Variants in SPAG8 observed in about 807,000 individuals in gnomAD.
The protein encoded by SPAG8 is sperm-associated antigen 8.
In SPAG8, 36 loss-of-function variants were observed where a neutral mutation model predicts 45.3. That is an observed-to-expected ratio of 0.80 (90% CI 0.61 to 1.05). The LOEUF is 1.05. Among genes scored for constraint, SPAG8 ranks in the 50% least tolerant of loss-of-function variants. SPAG8 has a pLI of 0.00. For synonymous variants in SPAG8, 227 were observed against 232.6 expected (o/e 0.98, Z 0.22); for missense variants, 573 against 609.2 (o/e 0.94, Z 0.63).
At chr9:35,809,204 T>C (rs772984583), downstream of SPAG8, 1 of 1,613,898 alleles carries the variant, frequency 6.2e-7, no homozygotes, top group South Asian at 1.1e-5. This position sits in a 1 kb window ranked among gnomAD's most constrained non-coding sequence, Gnocchi z 4.1. Flanking sequence ...CTAGATGAGC[T>C]AGGATGCTTC....
Position 35,810,283 on chromosome 9 carries a change from A to G in SPAG8, c.1227T>C (p.Pro409=), listed in dbSNP as rs1391267047. The change falls in exon 6 of 7, where the codon CCT becomes CCC. Residue 409 remains proline, a synonymous_variant. Coordinates refer to ENST00000396638, the MANE Select transcript of SPAG8 (RefSeq NM_001039592.2). ...GTGCCCTCTGTATCCAGAAGGTCTC[A>G]GGTTGCTCCTGGCGGTAGTCGTGAG... The part of the protein sequence containing the change: ...TKPHDYRQEQ[P]ETFWIQRAPQ... 1 of 1,614,194 alleles carries G rather than the reference A, an allele frequency of 6.2e-7. No individual in the cohort carries two copies. The highest frequency in any genetic ancestry group is 1.1e-5 in the South Asian group (1 of 91,090).
intron 3 of SPAG8, 48 bp from the exon 4 acceptor site, chr9:35,810,730 A>C: frequency 1.2e-6 from 2 of 1,611,478 alleles, no homozygotes; most frequent in Non-Finnish European, 1.7e-6. Context: ...GTTAAGAAGG[A>C]GGCCCAGAAG....
chr9:35,808,578 C>G (rs1259290679), downstream of SPAG8: 1 of 1,614,022 alleles, frequency 6.2e-7, no homozygotes, highest in East Asian at 2.2e-5. The surrounding 1 kb of genome is among the most constrained non-coding windows in gnomAD (Gnocchi z 4.0). Flanking sequence ...ACGCCATGCA[C>G]CAGAAATTGC....
rs1434794426 is a variant in SPAG8 at position 35,812,191 on chromosome 9, C to T, written c.-44G>A. 1 of 1,591,906 alleles carries T rather than the reference C, an allele frequency of 6.3e-7. No individual in the cohort carries two copies. Among genetic ancestry groups the T allele is most frequent in the Non-Finnish European group, 8.5e-7 (1 of 1,175,898 alleles). On this transcript the variant is annotated 5_prime_UTR_variant, in exon 1 of 7. Transcript: ENST00000396638. Reference sequence around the variant, plus strand: ...GGGTTGCCATAGAGACAGCAAACAACTCCTGGAGCCTGCGCAGAAGTACAG... The same window carrying T: ...GGGTTGCCATAGAGACAGCAAACAATTCCTGGAGCCTGCGCAGAAGTACAG...
intron 1 of SPAG8, 37 bp downstream of exon 1, chr9:35,812,067 G>T: frequency 6.2e-7 from 1 of 1,610,972 alleles, no homozygotes; most frequent in Non-Finnish European, 8.5e-7. Flanking sequence ...GACCTTCCTC[G>T]TCCCCTTATG....
rs762434492 is a variant in SPAG8, at chr9:35,811,216, C to T, written c.830G>A (p.Arg277Gln). 8.2e-6 allele frequency: 13 copies of T among 1,584,302 alleles called. No homozygotes were observed. Among genetic ancestry groups the T allele is most frequent in the African/African-American group, 6.8e-5 (5 of 73,896 alleles). ...CCAGTTGTAGAGGAGGCACTGGCCC[C>T]GCGGCAAAGTTTCATAGCAAACCAT... Reference protein sequence around the residue: ...KLMVCYETLPRGQCLLYNWEE... With the variant: ...KLMVCYETLPQGQCLLYNWEE... The change falls in exon 2 of 7, where the codon CGG (arginine) becomes CAG (glutamine). Residue 277 changes from arginine to glutamine, a missense_variant. Transcript: ENST00000396638.
Position 35,810,092 on chromosome 9 carries a change from T to C in SPAG8, c.1304A>G (p.Lys435Arg). The change falls in exon 7 of 7, where the codon AAG (lysine) becomes AGG (arginine). Residue 435 changes from lysine to arginine, a missense_variant. Physicochemically the swap from Lys to Arg is conservative, Grantham distance 26. Coordinates refer to ENST00000396638, the MANE Select transcript of SPAG8 (RefSeq NM_001039592.2). ...TACTGGTGTTGAGAAGCTGCAGTTC[T>C]TCCGGAATGGTGTGTCCAATGTCCT... ...NIRTLDTPFRKNCSFSTPVPL... is the reference protein window; with the variant it reads ...NIRTLDTPFRRNCSFSTPVPL... 6.2e-7 allele frequency: 1 copy of C among 1,612,684 alleles called. No homozygotes were observed. The highest frequency in any genetic ancestry group is 1.1e-5 in the South Asian group (1 of 90,834).
At chr9:35,809,007 G>A, downstream of SPAG8, 1 of 953,082 alleles carries the variant, frequency 1.0e-6, no homozygotes, top group South Asian at 1.3e-5. This position sits in a 1 kb window ranked among gnomAD's most constrained non-coding sequence, Gnocchi z 4.1. Context: ...TGCATTGGGA[G>A]GTTGGGCATA....
Position 35,811,270 on chromosome 9 carries a change from C to T in SPAG8, c.776G>A (p.Trp259Ter). 1 of 1,613,514 alleles carries T rather than the reference C, an allele frequency of 6.2e-7. No homozygotes were observed. Among genetic ancestry groups the T allele is most frequent in the Non-Finnish European group, 8.5e-7 (1 of 1,179,594 alleles). Residue 259 changes from tryptophan (W) to a stop codon, truncating the protein, a stop_gained, in exon 2 of 7, where the codon TGG (tryptophan) becomes TAG (stop). Transcript: ENST00000396638. LOFTEE classifies it high-confidence loss of function. ...QVLEPGARGL[W>*]KPPDIKGKLM... The stretch of plus-strand genomic sequence containing the variant: ...CTTCCCTTTAATGTCTGGGGGTTTC[C>T]ATAGTCCTCGGGCACCCGGTTCTAA...
At position 35,810,052 on chromosome 9, in the gene SPAG8, CCCCA is replaced by C. The variant is rs768912655; in HGVS notation, c.1340_1343del (p.Leu447ArgfsTer35). On this transcript the variant is annotated frameshift_variant, in exon 7 of 7. Coordinates refer to ENST00000396638, the MANE Select transcript of SPAG8 (RefSeq NM_001039592.2). LOFTEE classifies it low-confidence loss of function (END_TRUNC). ...TCTCAGGTTCATAGGGCAAAAGTTTCCCCAGAGACAAGGGTACTGGTGTTGAGAA... is the reference window on the plus strand; with the variant it reads ...TCTCAGGTTCATAGGGCAAAAGTTTCGAGACAAGGGTACTGGTGTTGAGAA... The C allele has an allele frequency of 6.2e-7, 1 of 1,613,828 alleles. No homozygotes were observed. Among genetic ancestry groups the C allele is most frequent in the Non-Finnish European group, 8.5e-7 (1 of 1,179,838 alleles).
At position 35,811,504 on chromosome 9, in the gene SPAG8, G is replaced by C; in HGVS notation, c.542C>G (p.Pro181Arg). The C allele has an allele frequency of 6.2e-7, 1 of 1,603,162 alleles. No homozygotes were observed. Among genetic ancestry groups the C allele is most frequent in the Non-Finnish European group, 8.5e-7 (1 of 1,173,992 alleles). ...AGAGCCATGACCAGGACCAGAGCCAGGACCAGAGCCAGGACCAGGACCAGA... is the reference window on the plus strand; with the variant it reads ...AGAGCCATGACCAGGACCAGAGCCACGACCAGAGCCAGGACCAGGACCAGA... ...SGSGPGPGSG[P>R]GSGPGHGSGS... The change falls in exon 2 of 7, where the codon CCT becomes CGT. Residue 181 changes from proline (P) to arginine (R), a missense_variant. Physicochemically the swap from Pro to Arg is moderately radical, Grantham distance 103. Transcript: ENST00000396638.
chr9:35,811,816 G>A lies in SPAG8; in HGVS notation c.230C>T (p.Pro77Leu). The A allele has an allele frequency of 6.2e-7, 1 of 1,613,434 alleles. No individual in the cohort carries two copies. The highest frequency in any genetic ancestry group is 2.2e-5 in the East Asian group (1 of 44,844). The stretch of plus-strand genomic sequence containing the variant: ...CTCCATGAACTCAGAACAGGGCGCT[G>A]GGGTCTTTGTAGATAATGCAGCTGC... ...AKAAALSTKTPAPCSEFMEPS... is the reference protein window; with the variant it reads ...AKAAALSTKTLAPCSEFMEPS... The change falls in exon 2 of 7, where the codon CCA (proline) becomes CTA (leucine). Residue 77 changes from proline to leucine, a missense_variant. Transcript: ENST00000396638.
chr9:35,811,980 G>A lies in SPAG8; in HGVS notation c.66C>T (p.Ser22=), dbSNP rs767145448. The change falls in exon 2 of 7, where the codon AGC becomes AGT. Residue 22 remains serine (S), a synonymous_variant. Coordinates refer to ENST00000396638, the MANE Select transcript of SPAG8 (RefSeq NM_001039592.2). ...SRSRSLDIQP[S]SEGLGPTSEP... Reference sequence around the variant, plus strand: ...CCGAAGTGGGCCCCAGTCCTTCGGAGCTGGGCTGTATGTCTAAAGATCTGA... The same window carrying A: ...CCGAAGTGGGCCCCAGTCCTTCGGAACTGGGCTGTATGTCTAAAGATCTGA... 6.2e-6 allele frequency: 10 copies of A among 1,602,554 alleles called. No individual in the cohort carries two copies. The South Asian group carries it at 1.1e-4, about 18-fold the overall frequency.
In SPAG8 at chr9:35,811,443, T is replaced by C. The variant is rs1828791525; in HGVS notation, c.603A>G (p.Pro201=). 1.9e-6 allele frequency: 3 copies of C among 1,613,998 alleles called. No homozygotes were observed. Among genetic ancestry groups the C allele is most frequent in the Admixed American group, 1.7e-5 (1 of 60,014 alleles). Residue 201 remains proline, a synonymous_variant, in exon 2 of 7, where the codon CCA becomes CCG. Coordinates refer to ENST00000396638, the MANE Select transcript of SPAG8 (RefSeq NM_001039592.2). ...TGAGCTCAGAGTCAGGGCCAGTGTCTGGACCAGGCCCAGAGGCAGGACCAG... is the reference window on the plus strand; with the variant it reads ...TGAGCTCAGAGTCAGGGCCAGTGTCCGGACCAGGCCCAGAGGCAGGACCAG... The part of the protein sequence containing the change: ...SHPGPASGPG[P]DTGPDSELSP...
Position 35,811,224 on chromosome 9 carries a change from A to C in SPAG8, c.822T>G (p.Thr274=). 6.3e-7 allele frequency: 1 copy of C among 1,591,230 alleles called. No homozygotes were observed. The highest frequency in any genetic ancestry group is 1.7e-4 in the Middle Eastern group (1 of 5,930). The part of the protein sequence containing the change: ...IKGKLMVCYE[T]LPRGQCLLYN... Reference sequence around the variant, plus strand: ...AGAGGAGGCACTGGCCCCGCGGCAAAGTTTCATAGCAAACCATAAGCTTCC... The same window carrying C: ...AGAGGAGGCACTGGCCCCGCGGCAACGTTTCATAGCAAACCATAAGCTTCC... The change falls in exon 2 of 7, where the codon ACT becomes ACG. Residue 274 remains threonine, a synonymous_variant. Coordinates refer to ENST00000396638, the MANE Select transcript of SPAG8 (RefSeq NM_001039592.2).
chr9:35,809,605 A>G (rs1216511386), downstream of SPAG8: 11 of 1,233,696 alleles, frequency 8.9e-6, no homozygotes, highest in African/African-American at 3.0e-5. The surrounding 1 kb of genome is among the most constrained non-coding windows in gnomAD (Gnocchi z 4.1). Flanking sequence ...TCTGCAGCTC[A>G]GCCCTGTACA....
chr9:35,809,110 T>C (rs1828601118), downstream of SPAG8: 3 of 1,536,690 alleles, frequency 2.0e-6, no homozygotes, highest in East Asian at 6.7e-5. This position sits in a 1 kb window ranked among gnomAD's most constrained non-coding sequence, Gnocchi z 4.1. Flanking sequence ...GATTGCCTTT[T>C]CTTTGATTCC....
rs1019319680 is a variant in SPAG8, at chr9:35,810,422, G to C, written c.1200+17C>G. On this transcript the variant is annotated intron_variant, in intron 5 of 6. Coordinates refer to ENST00000396638, the MANE Select transcript of SPAG8 (RefSeq NM_001039592.2). ...CCAGCTGGTGCAAGTGGCGGGGGAT[G>C]GGGGGTGGGTTCTCACCTTTGTTGG... 5.6e-6 allele frequency: 9 copies of C among 1,607,704 alleles called. No homozygotes were observed. Among genetic ancestry groups the C allele is most frequent in the Non-Finnish European group, 7.7e-6 (9 of 1,174,652 alleles).
chr9:35,811,100 C>T, intron 2 of SPAG8, 43 bp from the exon 3 acceptor site: 1 of 1,589,376 alleles, frequency 6.3e-7, no homozygotes, highest in Non-Finnish European at 8.6e-7. Flanking sequence ...CCTTCTGGTA[C>T]CCACCCTCAT....
Sources: gnomAD v4.1 joint callset for allele counts on GRCh38, gnomAD v4.1.1 for gene constraint, Gnocchi (gnomAD v3.1) non-coding constraint, MANE v1.5 for transcripts, NCBI Gene and HGNC (gene_info 2026-07-23, HGNC 2026-07-21) for gene names.